ZNF519: variants seen among roughly 807,000 people sequenced by gnomAD.
ZNF519 encodes similar to Zinc finger protein 85 (Zinc finger protein HPF4) (HTF1).
ZNF519 carries 7 observed loss-of-function variants against 7.4 expected under a neutral mutation model. The observed-to-expected ratio is 0.94, with a 90% CI of 0.54 to 1.77. ZNF519 has a LOEUF of 1.77. ZNF519 is among the 40% of genes most tolerant of loss of function. The pLI, the probability that ZNF519 is intolerant of heterozygous loss-of-function variation, is 0.00. For missense variants in ZNF519, 586 were observed against 623.1 expected, an observed-to-expected ratio of 0.94 and a Z score of 0.63; for synonymous variants, 179 against 203.3, an observed-to-expected ratio of 0.88 and a Z score of 1.02.
intron 2 of ZNF519, chr18:14,089,891 T>C (rs979478824): frequency 2.6e-5 from 4 of 152,194 alleles, no homozygotes; most frequent in African/African-American, 9.7e-5. Flanking sequence ...GGTGGAATGT[T>C]GGGATGTTCT....
At chr18:14,117,159 GAAGT>G (rs1317076815) in intron 2 of ZNF519, among the ~76,000 whole-genome samples, 1 of 152,060 alleles carries the variant, frequency 6.6e-6, no homozygotes, top group Admixed American at 6.6e-5. Context: ...AACATTTAGT[GAAGT>G]AAGCAGAAGA....
chr18:14,097,238 G>A (rs1339030107), downstream of ZNF519, among the ~76,000 whole-genome samples: 1 of 152,152 alleles, frequency 6.6e-6, no homozygotes, highest in Non-Finnish European at 1.5e-5. Flanking sequence ...TTACAATGAA[G>A]AAAAAGTTTC....
At chr18:14,083,333 G>A (rs926953034) in intron 3 of ZNF519, among the ~76,000 whole-genome samples, 3 of 152,120 alleles carry the variant, frequency 2.0e-5, no homozygotes, top group Non-Finnish European at 4.4e-5. Context: ...CTGGGCAACA[G>A]AGCAAGACTC....
intron 2 of ZNF519, among the ~76,000 whole-genome samples, chr18:14,086,709 C>T (rs568434096): frequency 2.0e-5 from 3 of 152,272 alleles, no homozygotes; most frequent in East Asian, 3.9e-4. Flanking sequence ...CTGTAAGCCC[C>T]GCTCTAGTCC....
At chr18:14,088,034 T>G (rs1465553483) in intron 2 of ZNF519, among the ~76,000 whole-genome samples, 1 of 152,160 alleles carries the variant, frequency 6.6e-6, no homozygotes, top group Non-Finnish European at 1.5e-5. Flanking sequence ...CAATTAGATG[T>G]CAGTGCTATT....
rs1482882383 is a variant in ZNF519, at chr18:14,100,969, T to C, written c.*3948A>G. 1 of 152,236 alleles carries C rather than the reference T, an allele frequency of 6.6e-6. No homozygotes were observed. The highest frequency in any genetic ancestry group is 1.9e-4 in the East Asian group (1 of 5,204). The allele number at this position is 152,236 out of a possible 1,614,324, so 9.4% of individuals were successfully genotyped here. On this transcript the variant is annotated 3_prime_UTR_variant, in exon 3 of 3. Transcript: ENST00000590202. ...TTCTACAAGGCCAAGTCTGAAGTAC[T>C]TTCCATAGCTTATCTCATTTAGTTC...
In ZNF519 at chr18:14,105,734, T is replaced by G; in HGVS notation, c.806A>C (p.Glu269Ala). ...GCCCCTGGTAAAAGCTTTGCCACGT[T>G]CTTTATATTTCACTGATTTTTCTCC... ...NTGEKSVKYKERGKAFTRGLH... is the reference protein window; with the variant it reads ...NTGEKSVKYKARGKAFTRGLH... Residue 269 changes from glutamate to alanine, a missense_variant, in exon 3 of 3, where the codon GAA (glutamate) becomes GCA (alanine). Physicochemically the swap from Glu to Ala is moderately radical, Grantham distance 107 (BLOSUM62 -1). Coordinates refer to ENST00000590202, the MANE Select transcript of ZNF519 (RefSeq NM_145287.4). 6.2e-7 allele frequency: 1 copy of G among 1,613,934 alleles called. No homozygotes were observed. The highest frequency in any genetic ancestry group is 8.5e-7 in the Non-Finnish European group (1 of 1,179,948).
intron 2 of ZNF519, among the ~76,000 whole-genome samples, chr18:14,093,747 T>C (rs2046123416): frequency 6.6e-6 from 1 of 152,222 alleles, no homozygotes; most frequent in Non-Finnish European, 1.5e-5. Context: ...TGGTTACAGC[T>C]TGACATCTGC....
At chr18:14,085,892 C>T (rs574929366) in intron 2 of ZNF519, among the ~76,000 whole-genome samples, 5 of 152,340 alleles carry the variant, frequency 3.3e-5, no homozygotes, top group South Asian at 4.1e-4. Flanking sequence ...CCTGCACCAC[C>T]TCTGGCCTTC....
At chr18:14,119,022 T>C (rs1003816519) in intron 2 of ZNF519, among the ~76,000 whole-genome samples, 2 of 152,150 alleles carry the variant, frequency 1.3e-5, no homozygotes, top group Non-Finnish European at 2.9e-5. Flanking sequence ...GCTGTATAGA[T>C]TAATGTCCAC....
At chr18:14,076,691 T>G (rs1338192869) in exon 5 of ZNF519, 2 of 152,180 alleles carry the variant, frequency 1.3e-5, no homozygotes, top group Non-Finnish European at 2.9e-5. Context: ...AGATAAGCAC[T>G]GAACCTGGTA....
chr18:14,077,287 T>A (rs2046051215), exon 5 of ZNF519: 1 of 152,234 alleles, frequency 6.6e-6, no homozygotes, highest in Admixed American at 6.5e-5. Flanking sequence ...CTGGCTCAGT[T>A]TCTAGCCCCA....
rs369260676 is a variant in ZNF519, at chr18:14,105,881, G to A, written c.659C>T (p.Pro220Leu). The change falls in exon 3 of 3, where the codon CCA (proline) becomes CTA (leucine). Residue 220 changes from proline to leucine, a missense_variant. Coordinates refer to ENST00000590202, the MANE Select transcript of ZNF519 (RefSeq NM_145287.4). ...NSNECGETSD[P>L]FSKLTQHQRI... Reference sequence around the variant, plus strand: ...TTGATGTTGAGTAAGCTTTGAGAATGGGTCAGAAGTTTCACCACATTCATT... The same window carrying A: ...TTGATGTTGAGTAAGCTTTGAGAATAGGTCAGAAGTTTCACCACATTCATT... 7 of 1,603,976 alleles carry A rather than the reference G, an allele frequency of 4.4e-6. No individual in the cohort carries two copies. Among genetic ancestry groups the A allele is most frequent in the African/African-American group, 1.3e-5 (1 of 74,094 alleles).
At chr18:14,095,907 C>T (rs2046134524), downstream of ZNF519, among the ~76,000 whole-genome samples, 1 of 152,350 alleles carries the variant, frequency 6.6e-6, no homozygotes, top group East Asian at 1.9e-4. Context: ...ACCAACACAG[C>T]CCTGGGTGCT....
intron 3 of ZNF519, chr18:14,082,637 A>T (rs1241431786): frequency 6.6e-6 from 1 of 152,020 alleles, no homozygotes; most frequent in Non-Finnish European, 1.5e-5. Context: ...AAATAAAATA[A>T]TATTTAATAA....
chr18:14,123,626 G>A (rs1438126423), intron 2 of ZNF519, among the ~76,000 whole-genome samples: 2 of 152,174 alleles, frequency 1.3e-5, no homozygotes, highest in East Asian at 1.9e-4. Context: ...GGCTGAGGCA[G>A]AAGTGCTTGA....
downstream of ZNF519, among the ~76,000 whole-genome samples, chr18:14,096,631 T>A (rs1243045059): frequency 6.6e-6 from 1 of 152,138 alleles, no homozygotes; most frequent in East Asian, 1.9e-4. Flanking sequence ...TCCTCCCATC[T>A]CAGTCTCCCG....
intron 1 of ZNF519, among the ~76,000 whole-genome samples, chr18:14,128,710 CACACACACACACACAA>C (rs2046314364): frequency 1.3e-5 from 2 of 149,968 alleles, no homozygotes; most frequent in African/African-American, 2.5e-5. Context: ...CACACACACA[CACACACACACACACAA>C]AACCAAATGA....
chr18:14,130,765 T>C (rs2046325380), intron 1 of ZNF519, among the ~76,000 whole-genome samples: 1 of 151,622 alleles, frequency 6.6e-6, no homozygotes, highest in African/African-American at 2.4e-5. Context: ...AAGACAGGAA[T>C]AGTCTATCTT....
Sources: allele counts gnomAD v4.1 joint callset (sites outside exome capture counted in the v4.1 genomes callset), GRCh38; gene constraint gnomAD v4.1.1; transcripts MANE v1.5; gene names NCBI Gene and HGNC (gene_info 2026-07-23, HGNC 2026-07-21).